NCKAP5: variants seen among roughly 807,000 people sequenced by gnomAD.
NCKAP5 encodes NCK associated protein 5.
NCKAP5 carries 92 observed loss-of-function variants against 167.0 expected under a neutral mutation model. That is an observed-to-expected ratio of 0.55 (90% CI 0.47 to 0.66). The LOEUF (loss-of-function observed/expected upper bound fraction) is 0.66. Ranked by LOEUF, NCKAP5 falls within the 30% of genes least tolerant of loss-of-function variation. NCKAP5 has a pLI of 0.00. For synonymous variants in NCKAP5, 891 were observed against 877.4 expected (o/e 1.02, Z -0.27); for missense variants, 2,378 against 2,315.0 (o/e 1.03, Z -0.56).
At chr2:133,569,597 G>A (rs11675147), upstream of NCKAP5, among the ~76,000 whole-genome samples, 46,061 of 151,960 alleles carry the variant, frequency 0.3, 7,365 homozygotes, top group South Asian at 0.4. Flanking sequence ...TGAGCATTGA[G>A]GGTGGAGGCA....
chr2:133,190,239 G>A (rs2150074747), intron 5 of NCKAP5, among the ~76,000 whole-genome samples: 1 of 152,234 alleles, frequency 6.6e-6, no homozygotes, highest in South Asian at 2.1e-4. Context: ...ACCTCTTCAA[G>A]GAGAACTACA....
the NCKAP5 span, among the ~76,000 whole-genome samples, chr2:133,668,472 CA>C: frequency 3.9e-5 from 6 of 151,972 alleles, no homozygotes; most frequent in Admixed American, 6.6e-5. Context: ...TCTTTTTTAT[CA>C]CAGCAATATT....
intron 6 of NCKAP5, among the ~76,000 whole-genome samples, chr2:133,066,713 C>T (rs564083099): frequency 1.5e-4 from 23 of 152,204 alleles, no homozygotes; most frequent in Non-Finnish European, 2.1e-4. Context: ...GTCTCAGAAA[C>T]GTTAGAATAG....
chr2:132,818,664 G>C (rs1287843495), intron 11 of NCKAP5, among the ~76,000 whole-genome samples: 5 of 152,184 alleles, frequency 3.3e-5, no homozygotes, highest in African/African-American at 1.2e-4. Flanking sequence ...CTCCAGCCTG[G>C]GTGACAGAGT....
In NCKAP5 at chr2:132,792,262, C is replaced by T. The variant is rs561836792; in HGVS notation, c.910-2057G>A. 2.6e-5 allele frequency among the ~76,000 whole-genome samples: 4 copies of T among 152,326 alleles called. No individual in the cohort carries two copies. The East Asian group carries it at 5.8e-4, about 22-fold the overall frequency. On this transcript the variant is annotated intron_variant, in intron 12 of 19. Transcript: ENST00000409261. ...CCTATTTCTTCCCCCTGAAATTTGG[C>T]TCTACATATTATTGAAAGGAGAAAC...
chr2:133,290,346 A>G (rs975947486), intron 4 of NCKAP5, among the ~76,000 whole-genome samples: 3 of 152,248 alleles, frequency 2.0e-5, no homozygotes, highest in African/African-American at 7.2e-5. Context: ...ATCATGAGAT[A>G]TCCTTTCATT....
At chr2:132,726,657 G>A (rs779519867) in intron 18 of NCKAP5, among the ~76,000 whole-genome samples, 2 of 152,182 alleles carry the variant, frequency 1.3e-5, no homozygotes, top group Non-Finnish European at 2.9e-5. Flanking sequence ...CATTTGGTTG[G>A]GGAATGTAAA....
At chr2:132,873,420 T>C (rs537033221) in intron 9 of NCKAP5, among the ~76,000 whole-genome samples, 9 of 152,214 alleles carry the variant, frequency 5.9e-5, no homozygotes, top group African/African-American at 2.2e-4. Context: ...GCCGAAAAAA[T>C]GTTTTTTAAG....
At chr2:133,152,725 C>T (rs2149893844) in intron 5 of NCKAP5, among the ~76,000 whole-genome samples, 1 of 152,264 alleles carries the variant, frequency 6.6e-6, no homozygotes, top group African/African-American at 2.4e-5. Context: ...TAGTCATGTG[C>T]CATATAACAA....
At chr2:133,566,234 G>A (rs1362492878) in intron 1 of NCKAP5, among the ~76,000 whole-genome samples, 1 of 152,192 alleles carries the variant, frequency 6.6e-6, no homozygotes, top group East Asian at 1.9e-4. Context: ...GGTTCCACTG[G>A]AGAGAGGGGC....
chr2:132,958,466 G>A (rs2076407216), intron 8 of NCKAP5, among the ~76,000 whole-genome samples: 1 of 152,166 alleles, frequency 6.6e-6, no homozygotes, highest in South Asian at 2.1e-4. Flanking sequence ...TAAATGAGAA[G>A]TTACATCATT....
chr2:133,313,432 A>G (rs980429408), intron 3 of NCKAP5, among the ~76,000 whole-genome samples: 13 of 152,218 alleles, frequency 8.5e-5, no homozygotes, highest in African/African-American at 3.1e-4. Flanking sequence ...ATTTTTAGTT[A>G]TATTTGACAA....
At chr2:133,625,733 T>C in the NCKAP5 span, among the ~76,000 whole-genome samples, 1 of 151,734 alleles carries the variant, frequency 6.6e-6, no homozygotes, top group African/African-American at 2.4e-5. Flanking sequence ...TAGCCGGGCG[T>C]AGTGGCGGGC....
At chr2:133,513,427 C>T (rs1436976462) in intron 3 of NCKAP5, among the ~76,000 whole-genome samples, 1 of 152,214 alleles carries the variant, frequency 6.6e-6, no homozygotes. Context: ...ATTGGCTAAA[C>T]CCAACCAGAT....
chr2:132,971,069 C>A (rs1002447750), intron 7 of NCKAP5, among the ~76,000 whole-genome samples: 9 of 152,300 alleles, frequency 5.9e-5, no homozygotes, highest in African/African-American at 2.2e-4. Context: ...GAGGAATATG[C>A]CAGGCATACA....
intron 5 of NCKAP5, among the ~76,000 whole-genome samples, chr2:133,154,327 G>T (rs1264866421): frequency 6.6e-6 from 1 of 152,170 alleles, no homozygotes; most frequent in African/African-American, 2.4e-5. Flanking sequence ...GTGAGAATGT[G>T]AACAACTCTC....
At chr2:133,241,729 C>T (rs750247088) in intron 4 of NCKAP5, among the ~76,000 whole-genome samples, 3 of 152,254 alleles carry the variant, frequency 2.0e-5, no homozygotes, top group South Asian at 4.1e-4. Context: ...ATCCCAGGAA[C>T]GTGGTTTGTC....
At chr2:133,403,031 G>A (rs1303297976) in intron 3 of NCKAP5, among the ~76,000 whole-genome samples, 1 of 152,168 alleles carries the variant, frequency 6.6e-6, no homozygotes, top group Non-Finnish European at 1.5e-5. Context: ...TCCCAATGAA[G>A]AAAGATTCCC....
chr2:133,483,619 A>C (rs1474554520), intron 3 of NCKAP5, among the ~76,000 whole-genome samples: 3 of 131,890 alleles, frequency 2.3e-5, no homozygotes, highest in Non-Finnish European at 4.8e-5. Context: ...AATACTCTGC[A>C]AAAAAAAAGG....
Sources: allele counts gnomAD v4.1 joint callset (sites outside exome capture counted in the v4.1 genomes callset), GRCh38; gene constraint gnomAD v4.1.1; transcripts MANE v1.5; gene names NCBI Gene and HGNC (gene_info 2026-07-23, HGNC 2026-07-21).